Variants in TTN observed in about 807,000 individuals in gnomAD.
TTN encodes the protein connectin.
TTN carries 1,525 observed loss-of-function variants against 3,223.0 expected under a neutral mutation model. The observed-to-expected ratio is 0.47, with a 90% CI of 0.45 to 0.49. TTN has a LOEUF of 0.49. TTN is among the 20% of genes least tolerant of loss of function. TTN has a pLI of 0.00. For synonymous variants in TTN, 14,094 were observed against 15,161.0 expected (o/e 0.93, Z 5.17); for missense variants, 40,786 against 43,424.0 (o/e 0.94, Z 5.40).
intron 47 of TTN, chr2:178,745,478 C>A (rs1560955924): frequency 1.0e-5 from 16 of 1,530,506 alleles, no homozygotes; most frequent in Non-Finnish European, 8.8e-6. Flanking sequence ...GTAATGAATT[C>A]AAATATGGTG....
intron 11 of TTN, 83 bp downstream of exon 11, chr2:178,790,625 G>A: frequency 1.9e-6 from 3 of 1,603,818 alleles, no homozygotes; most frequent in Non-Finnish European, 2.6e-6. Flanking sequence ...AAGAAGTGAT[G>A]ATTAAGATCC....
chr2:178,675,504 CA>C (rs1489606730), intron 149 of TTN, among the ~76,000 whole-genome samples, 166 bp downstream of exon 149: 1 of 151,424 alleles, frequency 6.6e-6, no homozygotes, highest in Admixed American at 6.6e-5. Context: ...ACACCAACAC[CA>C]AGTGAAAAAA....
At position 178,618,197 on chromosome 2, in the gene TTN, C is replaced by T. The variant is rs775878082; in HGVS notation, c.47261G>A (p.Ser15754Asn). Residue 15754 changes from serine to asparagine, a missense_variant, in exon 252 of 363, where the codon AGT becomes AAT. By Grantham distance (46) the Ser-to-Asn change is conservative. Transcript: ENST00000589042. ...VETDNPVEAR[S>N]KYDVPGPPLN... ...TACTTAAAACTTCTTACCATATTTA[C>T]TCCTTGCTTCTACAGGATTGTCAGT... 2 of 1,612,188 alleles carry T rather than the reference C, an allele frequency of 1.2e-6. No individual in the cohort carries two copies. The highest frequency in any genetic ancestry group is 1.1e-5 in the South Asian group (1 of 90,874).
chr2:178,549,220 T>G lies in TTN; in HGVS notation c.92406A>C (p.Gly30802=). The G allele has an allele frequency of 1.2e-6, 2 of 1,613,828 alleles. No homozygotes were observed. The highest frequency in any genetic ancestry group is 1.7e-6 in the Non-Finnish European group (2 of 1,179,828). The part of the protein sequence containing the change: ...EFHVMAENAA[G]VGPASGISRL... ...TTGAGATGCCACTTGCAGGTCCAAC[T>G]CCTGCAGCATTTTCAGCCATGACAT... The change falls in exon 339 of 363, where the codon GGA becomes GGC. Residue 30802 remains glycine, a synonymous_variant. Coordinates refer to ENST00000589042, the MANE Select transcript of TTN (RefSeq NM_001267550.2).
At position 178,613,142 on chromosome 2, in the gene TTN, A is replaced by C; in HGVS notation, c.49648+19T>G. On this transcript the variant is annotated intron_variant, in intron 264 of 362. Coordinates refer to ENST00000589042, the MANE Select transcript of TTN (RefSeq NM_001267550.2). Reference sequence around the variant, plus strand: ...TCATATGAACTTCGAAATAACCACAAAAATTATATAAATAATACCTATGGG... The same window carrying C: ...TCATATGAACTTCGAAATAACCACACAAATTATATAAATAATACCTATGGG... 6.2e-7 allele frequency: 1 copy of C among 1,607,250 alleles called. No individual in the cohort carries two copies.
chr2:178,709,540 AG>A, intron 99 of TTN, 25 bp downstream of exon 99: 1 of 1,580,638 alleles, frequency 6.3e-7, no homozygotes, highest in South Asian at 1.1e-5. Flanking sequence ...AAAACACAAC[AG>A]GTTGGGGCTG....
In TTN at chr2:178,565,052, A is replaced by G. The variant is rs749171660; in HGVS notation, c.81080T>C (p.Val27027Ala). The G allele has an allele frequency of 3.7e-6, 6 of 1,613,574 alleles. No homozygotes were observed. In the South Asian group the frequency reaches 5.5e-5, roughly 15 times the overall value. Residue 27027 changes from valine (V) to alanine (A), a missense_variant, in exon 326 of 363, where the codon GTT becomes GCT. Coordinates refer to ENST00000589042, the MANE Select transcript of TTN (RefSeq NM_001267550.2). ...GGTTATTTTAATTGTTGTTCTTGCA[A>G]CTGTTGCTGATACCATGTGCCAAGT... Reference protein sequence around the residue: ...TTTWHMVSATVARTTIKITKL... With the variant: ...TTTWHMVSATAARTTIKITKL...
At chr2:178,695,503 A>G in intron 114 of TTN, 93 bp from the exon 115 acceptor site, 4 of 975,338 alleles carry the variant, frequency 4.1e-6, no homozygotes, top group Non-Finnish European at 6.4e-6. Flanking sequence ...AGGATAATAT[A>G]TAATCGTGTG....
chr2:178,552,066 A>C lies in TTN; in HGVS notation c.90834T>G (p.Ser30278Arg). 1 of 1,613,784 alleles carries C rather than the reference A, an allele frequency of 6.2e-7. No homozygotes were observed. Among genetic ancestry groups the C allele is most frequent in the Non-Finnish European group, 8.5e-7 (1 of 1,179,782 alleles). The change falls in exon 335 of 363, where the codon AGT becomes AGG. Residue 30278 changes from serine (S) to arginine (R), a missense_variant. Coordinates refer to ENST00000589042, the MANE Select transcript of TTN (RefSeq NM_001267550.2). ...SQTNWKMVCS[S>R]VARTTFKVPN... ...GAACTTTGAAAGTCGTTCTGGCAAC[A>C]CTTGAACACACCATCTTCCAGTTAG...
At position 178,528,111 on chromosome 2, in the gene TTN, A is replaced by G. The variant is rs1023424945; in HGVS notation, c.107377+163T>C. 17 of 779,522 alleles carry G rather than the reference A, an allele frequency of 2.2e-5. No homozygotes were observed. In the African/African-American group the frequency reaches 2.5e-4, roughly 11 times the overall value. The allele number at this position is 779,522 out of a possible 1,614,324, so 48.3% of individuals were successfully genotyped here. On this transcript the variant is annotated intron_variant, in intron 361 of 362. Transcript: ENST00000589042. ...AATCTATCCAAGTTTCTGTGTAGCT[A>G]TAAAGAAAGTTTGACTACAAGAATG...
At chr2:178,795,756 C>G (rs2093735706) in intron 6 of TTN, among the ~76,000 whole-genome samples, 1 of 152,126 alleles carries the variant, frequency 6.6e-6, no homozygotes, top group African/African-American at 2.4e-5. Context: ...CTTCCCACAG[C>G]CTTTACTATG....
Position 178,726,022 on chromosome 2 carries a change from G to T in TTN, c.20300C>A (p.Pro6767His), listed in dbSNP as rs766549840. The T allele has an allele frequency of 2.5e-5, 38 of 1,535,802 alleles. No individual in the cohort carries two copies. The South Asian group carries it at 4.8e-4, about 19-fold the overall frequency. Residue 6767 changes from proline (P) to histidine (H), a missense_variant, in exon 70 of 363, where the codon CCT becomes CAT. Transcript: ENST00000589042. Reference sequence around the variant, plus strand: ...ATTTTTAAGGGTTTCTACTATAGGAGGGAAGCTGCTAAAAACAGGTGGCTC... The same window carrying T: ...ATTTTTAAGGGTTTCTACTATAGGATGGAAGCTGCTAAAAACAGGTGGCTC... ...VKEPPVFSSF[P>H]PIVETLKNAE...
intron 98 of TTN, 125 bp from the exon 99 acceptor site, chr2:178,709,981 T>C: frequency 1.1e-6 from 1 of 903,280 alleles, no homozygotes; most frequent in Non-Finnish European, 1.6e-6. Context: ...AAATACACTA[T>C]ATCAGAATAT....
chr2:178,607,717 A>G, intron 276 of TTN, 32 bp from the exon 277 acceptor site: 1 of 1,611,960 alleles, frequency 6.2e-7, no homozygotes, highest in African/African-American at 1.3e-5. Flanking sequence ...GCATTAGCCC[A>G]TGAAAGATTA....
At position 178,719,554 on chromosome 2, in the gene TTN, C is replaced by A; in HGVS notation, c.23938G>T (p.Asp7980Tyr). The A allele has an allele frequency of 6.2e-7, 1 of 1,601,168 alleles. No homozygotes were observed. Among genetic ancestry groups the A allele is most frequent in the South Asian group, 1.1e-5 (1 of 89,352 alleles). ...TTCATAAAAATCTCATTCTACTCAC[C>A]AGAAACATGGACGGATACAGTGCAG... ...SNCTVSVHVS[D>Y]RIVPPSFIRK... Residue 7980 changes from aspartate (D) to tyrosine (Y), a missense_variant and splice_region_variant, in exon 82 of 363, where the codon GAT becomes TAT. Physicochemically the swap from Asp to Tyr is radical, Grantham distance 160. Transcript: ENST00000589042.
At position 178,652,083 on chromosome 2, in the gene TTN, G is replaced by A. The variant is rs1413783862; in HGVS notation, c.39295+13C>T. The A allele has an allele frequency of 4.3e-6, 7 of 1,613,266 alleles. No homozygotes were observed. The highest frequency in any genetic ancestry group is 1.7e-4 in the Middle Eastern group (1 of 5,982). Reference sequence around the variant, plus strand: ...TTTTTAAAAAACACTAATTTGAATAGTTTCATTATTACCTTCAGGGGGAGG... The same window carrying A: ...TTTTTAAAAAACACTAATTTGAATAATTTCATTATTACCTTCAGGGGGAGG... On this transcript the variant is annotated intron_variant, in intron 204 of 362. Transcript: ENST00000589042.
In TTN at chr2:178,639,413, TTATCAGCCCCAAACA is replaced by T. The variant is rs2060931964; in HGVS notation, c.40876+271_40876+285del. Reference sequence around the variant, plus strand: ...GGGTCTCTGCCTGTCTCCTTAGTTTTTATCAGCCCCAAACATATTCATTACTTAATCTCCAAAGCA... The same window carrying T: ...GGGTCTCTGCCTGTCTCCTTAGTTTTTATTCATTACTTAATCTCCAAAGCA... On this transcript the variant is annotated intron_variant, in intron 223 of 362. Transcript: ENST00000589042. Among the ~76,000 whole-genome samples the T allele has an allele frequency of 2.0e-5, 3 of 152,008 alleles. No homozygotes were observed. The South Asian group carries it at 6.2e-4, about 31-fold the overall frequency.
chr2:178,773,481 G>A lies in TTN; in HGVS notation c.7575C>T (p.Asn2525=), dbSNP rs879021503. Residue 2525 remains asparagine (N), a synonymous_variant, in exon 32 of 363, where the codon AAC becomes AAT. Transcript: ENST00000589042. ...YKLIVGRVET[N]CNLSVEKIKI... is the part of the protein sequence containing the mutation. ...CCTTACTTTCTACAGAGAGATTACA[G>A]TTGGTTTCAACTCTGCCAACTATCA... 3 of 1,614,046 alleles carry A rather than the reference G, an allele frequency of 1.9e-6. No homozygotes were observed. The highest frequency in any genetic ancestry group is 2.5e-6 in the Non-Finnish European group (3 of 1,179,962).
At position 178,722,817 on chromosome 2, in the gene TTN, G is replaced by T. The variant is rs1425492375; in HGVS notation, c.22082C>A (p.Thr7361Asn). The T allele has an allele frequency of 1.9e-6, 3 of 1,613,272 alleles. No individual in the cohort carries two copies. Among genetic ancestry groups the T allele is most frequent in the East Asian group, 2.2e-5 (1 of 44,830 alleles). Reference sequence around the variant, plus strand: ...GTATTCAGGAGTTGGCCGTAATTTGGTATCTCCTTTGTACCAAGACACTGT... The same window carrying T: ...GTATTCAGGAGTTGGCCGTAATTTGTTATCTCCTTTGTACCAAGACACTGT... ...EITVSWYKGD[T>N]KLRPTPEYRT... The change falls in exon 76 of 363, where the codon ACC (threonine) becomes AAC (asparagine). Residue 7361 changes from threonine to asparagine, a missense_variant. Coordinates refer to ENST00000589042, the MANE Select transcript of TTN (RefSeq NM_001267550.2).
Sources: allele counts gnomAD v4.1 joint callset (sites outside exome capture counted in the v4.1 genomes callset), GRCh38; gene constraint gnomAD v4.1.1; transcripts MANE v1.5; gene names NCBI Gene and HGNC (gene_info 2026-07-23, HGNC 2026-07-21).